Variants in SPPL3 observed in about 807,000 individuals in gnomAD.
SPPL3 encodes the protein signal peptide peptidase like 3.
In SPPL3, 5 loss-of-function variants were observed where a neutral mutation model predicts 42.4. The ratio of observed to expected loss-of-function variants is 0.12; its 90% CI spans 0.06 to 0.25. SPPL3 has a LOEUF of 0.25. Ranked by LOEUF, SPPL3 falls within the 10% of genes least tolerant of loss-of-function variation. The probability of loss-of-function intolerance (pLI) is 1.00; values close to 1 mark genes in which losing one functional copy is unlikely to be tolerated. For synonymous variants in SPPL3, 195 were observed against 181.8 expected (o/e 1.07, Z -0.58); for missense variants, 235 against 489.0 (o/e 0.48, Z 4.90).
chr12:120,840,277 CAAAAAAAAAA>C (rs533134400), intron 1 of SPPL3, among the ~76,000 whole-genome samples: 16 of 44,178 alleles, frequency 3.6e-4, no homozygotes, highest in African/African-American at 1.3e-3. Flanking sequence ...GACTCTGTCT[CAAAAAAAAAA>C]AAAAAAAAAA....
chr12:120,823,452 AT>A (rs983244928), intron 1 of SPPL3, among the ~76,000 whole-genome samples: 2 of 152,146 alleles, frequency 1.3e-5, no homozygotes, highest in Admixed American at 6.5e-5. Flanking sequence ...CTTACTTGAT[AT>A]CCCCGCTCCC....
chr12:120,896,560 G>C (rs1350331445), intron 1 of SPPL3, among the ~76,000 whole-genome samples: 1 of 152,118 alleles, frequency 6.6e-6, no homozygotes, highest in Non-Finnish European at 1.5e-5. Flanking sequence ...TGGATCACAA[G>C]GTCAGGAGTT....
chr12:120,803,579 AAG>A (rs1169582647), intron 2 of SPPL3, among the ~76,000 whole-genome samples: 4 of 152,098 alleles, frequency 2.6e-5, no homozygotes, highest in Non-Finnish European at 2.9e-5. Context: ...AAATTTTAAA[AAG>A]AAAGTTTTTT....
chr12:120,835,467 T>C (rs887365477), intron 1 of SPPL3: 6 of 152,216 alleles, frequency 3.9e-5, no homozygotes, highest in Non-Finnish European at 5.9e-5. Context: ...ATTCTGACGA[T>C]GAAGTCTAAG....
chr12:120,855,556 A>G (rs576143550), intron 1 of SPPL3, among the ~76,000 whole-genome samples: 1 of 152,190 alleles, frequency 6.6e-6, no homozygotes, highest in South Asian at 2.1e-4. Context: ...GCATGACGGC[A>G]GTTGCCTGTA....
chr12:120,882,476 T>C (rs1052153587), intron 1 of SPPL3, among the ~76,000 whole-genome samples: 1 of 152,142 alleles, frequency 6.6e-6, no homozygotes, highest in African/African-American at 2.4e-5. Context: ...TATACACATG[T>C]GTTTTCATGC....
intron 10 of SPPL3, 94 bp from the exon 11 acceptor site, chr12:120,765,164 A>G: frequency 8.2e-7 from 1 of 1,225,576 alleles, no homozygotes; most frequent in Non-Finnish European, 1.1e-6. Flanking sequence ...TTTTCCAGGT[A>G]TGAAGTCTTC....
At chr12:120,766,117 C>A (rs1286360227) in intron 10 of SPPL3, 146 bp downstream of exon 10, 3 of 323,876 alleles carry the variant, frequency 9.3e-6, no homozygotes, top group Non-Finnish European at 1.6e-5. Context: ...CACACACACA[C>A]ACACACACAC....
At chr12:120,901,541 A>G (rs1873980755) in intron 1 of SPPL3, among the ~76,000 whole-genome samples, 1 of 144,448 alleles carries the variant, frequency 6.9e-6, no homozygotes, top group Non-Finnish European at 1.5e-5. Flanking sequence ...CAGTGAGCCG[A>G]GATGGCGCCA....
At chr12:120,813,240 G>A (rs1041142822) in intron 1 of SPPL3, among the ~76,000 whole-genome samples, 7 of 124,826 alleles carry the variant, frequency 5.6e-5, no homozygotes, top group African/African-American at 1.8e-4. Flanking sequence ...TCCTTTAATC[G>A]TTGTAAAAAA....
intron 6 of SPPL3, among the ~76,000 whole-genome samples, chr12:120,781,413 T>TACATAAAAG (rs1869532275): frequency 1.3e-5 from 2 of 152,082 alleles, no homozygotes; most frequent in African/African-American, 4.8e-5. Context: ...AGACATGTAT[T>TACATAAAAG]TATATCATTA....
At chr12:120,853,800 A>C (rs894939681) in intron 1 of SPPL3, among the ~76,000 whole-genome samples, 1 of 152,166 alleles carries the variant, frequency 6.6e-6, no homozygotes, top group African/African-American at 2.4e-5. Context: ...TAGTCCAAAG[A>C]CCATACCTTA....
chr12:120,778,774 T>G (rs1472810810), intron 6 of SPPL3, among the ~76,000 whole-genome samples: 4 of 152,212 alleles, frequency 2.6e-5, no homozygotes, highest in Admixed American at 1.3e-4. Flanking sequence ...ATTGTACTGG[T>G]CAAAGTCACT....
intron 3 of SPPL3, among the ~76,000 whole-genome samples, chr12:120,787,451 G>A (rs1869759779): frequency 6.6e-6 from 1 of 152,166 alleles, no homozygotes; most frequent in African/African-American, 2.4e-5. Context: ...GGGGCAGGCA[G>A]AGAAGTTAGA....
At chr12:120,885,983 T>C (rs565795185) in intron 1 of SPPL3, among the ~76,000 whole-genome samples, 1 of 151,242 alleles carries the variant, frequency 6.6e-6, no homozygotes, top group Admixed American at 6.6e-5. Flanking sequence ...CACTCCTGAG[T>C]AGCTGGGATT....
intron 1 of SPPL3, among the ~76,000 whole-genome samples, chr12:120,833,372 T>C (rs1445231371): frequency 1.3e-5 from 2 of 152,112 alleles, no homozygotes; most frequent in African/African-American, 4.8e-5. Flanking sequence ...ACAGCCTCGA[T>C]AGGAAACTAA....
intron 1 of SPPL3, among the ~76,000 whole-genome samples, chr12:120,833,985 A>G (rs942482122): frequency 6.6e-6 from 1 of 152,208 alleles, no homozygotes; most frequent in Non-Finnish European, 1.5e-5. Context: ...GCATGCATAC[A>G]GGGTGACACA....
intron 1 of SPPL3, among the ~76,000 whole-genome samples, chr12:120,865,775 C>A (rs1355421262): frequency 1.3e-5 from 2 of 152,180 alleles, no homozygotes; most frequent in Admixed American, 6.5e-5. Context: ...AACCCCCAGG[C>A]CACAGACTGC....
At chr12:120,776,679 T>C (rs1869333012) in intron 6 of SPPL3, among the ~76,000 whole-genome samples, 1 of 152,316 alleles carries the variant, frequency 6.6e-6, no homozygotes, top group South Asian at 2.1e-4. Flanking sequence ...ACACTGCTTA[T>C]TGTTTTGAGA....
Sources: gnomAD v4.1 joint callset for allele counts (sites outside exome capture counted in the v4.1 genomes callset) on GRCh38, gnomAD v4.1.1 for gene constraint, MANE v1.5 for transcripts, NCBI Gene and HGNC (gene_info 2026-07-23, HGNC 2026-07-21) for gene names.